TRPM3: variants seen among roughly 807,000 people sequenced by gnomAD.
The protein encoded by TRPM3 is transient receptor potential cation channel subfamily M member 3.
Under a neutral mutation model 181.2 loss-of-function variants are expected in TRPM3, and 77 were observed. That is an observed-to-expected ratio of 0.42 (90% CI 0.35 to 0.51). The LOEUF is 0.51. TRPM3 is among the 20% of genes least tolerant of loss of function. The probability of loss-of-function intolerance (pLI) is 0.01; values close to 1 mark genes in which losing one functional copy is unlikely to be tolerated. For synonymous variants in TRPM3, 745 were observed against 796.4 expected (o/e 0.94, Z 1.09); for missense variants, 1,759 against 2,196.7 (o/e 0.80, Z 3.98).
At chr9:71,202,341 G>C (rs2078858726) in intron 1 of TRPM3, among the ~76,000 whole-genome samples, 1 of 152,298 alleles carries the variant, frequency 6.6e-6, no homozygotes, top group African/African-American at 2.4e-5. Context: ...CGTGCTGGGA[G>C]AACCACTGCT....
chr9:70,752,357 A>T (rs1195870896), intron 8 of TRPM3, among the ~76,000 whole-genome samples: 1 of 152,206 alleles, frequency 6.6e-6, no homozygotes, highest in African/African-American at 2.4e-5. Context: ...TCAGCTAGTC[A>T]TCTACATGGA....
intron 1 of TRPM3, chr9:70,917,562 A>ATTTTTTTTTTTTTT: frequency 1.6e-6 from 1 of 612,860 alleles, no homozygotes; most frequent in Non-Finnish European, 3.0e-6. Context: ...AACAGTGTTA[A>ATTTTTTTTTTTTTT]GTTGTTATAT....
At chr9:70,606,649 G>GTATATATATATA (rs199770909) in intron 19 of TRPM3, among the ~76,000 whole-genome samples, 1 of 77,818 alleles carries the variant, frequency 1.3e-5, no homozygotes, top group African/African-American at 3.6e-5. Context: ...GTGTGTGTGT[G>GTATATATATATA]TGTATATATA....
chr9:71,377,604 T>C (rs2132847180), intron 1 of TRPM3, among the ~76,000 whole-genome samples: 1 of 152,190 alleles, frequency 6.6e-6, no homozygotes, highest in Non-Finnish European at 1.5e-5. Flanking sequence ...CTAGTCTGTA[T>C]CTTTTTTATG....
Position 70,552,833 on chromosome 9 carries a change from T to A in TRPM3, c.3574+11A>T, listed in dbSNP as rs200233710. The A allele has an allele frequency of 6.2e-7, 1 of 1,613,546 alleles. No individual in the cohort carries two copies. The highest frequency in any genetic ancestry group is 1.3e-5 in the African/African-American group (1 of 75,032). On this transcript the variant is annotated intron_variant, in intron 24 of 25. Transcript: ENST00000677713. The stretch of plus-strand genomic sequence containing the variant: ...TGATTTGTGGCAGCTCGGCTGTCGC[T>A]TGAAGCTTACTCAGGCCGTAGTCCC...
chr9:71,074,279 T>C (rs569481922), intron 1 of TRPM3, among the ~76,000 whole-genome samples: 1 of 152,354 alleles, frequency 6.6e-6, no homozygotes, highest in East Asian at 1.9e-4. Flanking sequence ...GATAGGTATC[T>C]GAATAAACCA....
intron 1 of TRPM3, among the ~76,000 whole-genome samples, chr9:71,387,176 T>C (rs2092944954): frequency 6.6e-6 from 1 of 152,182 alleles, no homozygotes; most frequent in African/African-American, 2.4e-5. Context: ...AAAAGGGCAA[T>C]GGTTTCCTAA....
At chr9:71,222,617 A>AT (rs1200815800) in intron 1 of TRPM3, among the ~76,000 whole-genome samples, 1 of 152,254 alleles carries the variant, frequency 6.6e-6, no homozygotes, top group Non-Finnish European at 1.5e-5. Context: ...GAGCAATCAC[A>AT]TTAAGTGGTT....
intron 7 of TRPM3, among the ~76,000 whole-genome samples, chr9:70,773,520 A>G (rs2130634384): frequency 6.6e-6 from 1 of 152,288 alleles, no homozygotes; most frequent in African/African-American, 2.4e-5. Flanking sequence ...ATTCTCTTTC[A>G]AAGTAATTTC....
At chr9:70,798,200 A>G (rs2087783186) in intron 6 of TRPM3, among the ~76,000 whole-genome samples, 2 of 152,098 alleles carry the variant, frequency 1.3e-5, no homozygotes, top group Admixed American at 1.3e-4. Context: ...GACCACAGGC[A>G]GGCACCACCA....
At chr9:71,319,636 T>TA (rs778367573) in intron 1 of TRPM3, among the ~76,000 whole-genome samples, 1 of 152,198 alleles carries the variant, frequency 6.6e-6, no homozygotes, top group African/African-American at 2.4e-5. Flanking sequence ...CTTACCCGCT[T>TA]ACCTGGACAT....
chr9:70,605,102 C>G (rs945743066), intron 19 of TRPM3, among the ~76,000 whole-genome samples: 2 of 151,542 alleles, frequency 1.3e-5, no homozygotes, highest in African/African-American at 4.9e-5. Context: ...TTACAGGCAC[C>G]CATTACCACG....
At chr9:70,744,400 A>G (rs2074764066) in intron 8 of TRPM3, among the ~76,000 whole-genome samples, 1 of 152,032 alleles carries the variant, frequency 6.6e-6, no homozygotes, top group Non-Finnish European at 1.5e-5. Context: ...CTTCATTTGT[A>G]TAGTCTTCCC....
chr9:71,341,462 C>T (rs1179541221), intron 1 of TRPM3, among the ~76,000 whole-genome samples: 1 of 152,040 alleles, frequency 6.6e-6, no homozygotes, highest in African/African-American at 2.4e-5. Flanking sequence ...TCCGATAATG[C>T]ACCACCTCAA....
intron 1 of TRPM3, among the ~76,000 whole-genome samples, chr9:70,875,519 C>A (rs1026781470): frequency 6.6e-6 from 1 of 151,746 alleles, no homozygotes; most frequent in African/African-American, 2.4e-5. Context: ...CTTAAGAATG[C>A]CCTGGTTGAA....
chr9:71,294,161 A>G (rs942565888), intron 1 of TRPM3, among the ~76,000 whole-genome samples: 13 of 152,156 alleles, frequency 8.5e-5, no homozygotes, highest in Middle Eastern at 3.4e-3. Context: ...GTTAAAATGT[A>G]AAACTTCTGT....
At chr9:70,591,867 CT>C (rs1414062709) in intron 21 of TRPM3, among the ~76,000 whole-genome samples, 2 of 152,192 alleles carry the variant, frequency 1.3e-5, no homozygotes, top group African/African-American at 4.8e-5. Context: ...TATACTTCTC[CT>C]GCAGGGTATC....
At chr9:71,295,137 A>G (rs1448842227) in intron 1 of TRPM3, among the ~76,000 whole-genome samples, 1 of 152,160 alleles carries the variant, frequency 6.6e-6, no homozygotes, top group African/African-American at 2.4e-5. Context: ...ATCTCATAAT[A>G]CTTTTTGCAA....
At chr9:70,877,770 C>T (rs181366820) in intron 1 of TRPM3, among the ~76,000 whole-genome samples, 2 of 146,704 alleles carry the variant, frequency 1.4e-5, no homozygotes, top group East Asian at 2.0e-4. Flanking sequence ...CCTTGTTTTC[C>T]GTTGGCGACC....
Sources: allele counts gnomAD v4.1 joint callset (sites outside exome capture counted in the v4.1 genomes callset), GRCh38; gene constraint gnomAD v4.1.1; transcripts MANE v1.5; gene names NCBI Gene and HGNC (gene_info 2026-07-23, HGNC 2026-07-21).